DOK6: variants seen among roughly 807,000 people sequenced by gnomAD.
DOK6 encodes docking protein 6, also known as downstream of tyrosine kinase 6.
DOK6 carries 22 observed loss-of-function variants against 44.0 expected under a neutral mutation model. The observed-to-expected ratio is 0.50, with a 90% confidence interval of 0.36 to 0.71. DOK6 has a LOEUF of 0.71. Among genes scored for constraint, DOK6 ranks in the 30% least tolerant of loss-of-function variants. The probability of loss-of-function intolerance (pLI) is 0.00; values close to 1 mark genes in which losing one functional copy is unlikely to be tolerated. For synonymous variants in DOK6, 166 were observed against 145.5 expected, an observed-to-expected ratio of 1.14 and a Z score of -1.01; for missense variants, 340 against 416.4, an observed-to-expected ratio of 0.82 and a Z score of 1.60.
At chr18:69,510,228 C>G (rs1981327729) in intron 1 of DOK6, among the ~76,000 whole-genome samples, 1 of 152,168 alleles carries the variant, frequency 6.6e-6, no homozygotes, top group Admixed American at 6.5e-5. Flanking sequence ...TGAATTGGAG[C>G]TGCTGGATAT....
intron 7 of DOK6, among the ~76,000 whole-genome samples, chr18:69,769,475 ACTTTT>A (rs1781607799): frequency 1.3e-5 from 2 of 152,062 alleles, no homozygotes; most frequent in South Asian, 4.1e-4. Context: ...ATGAGTTGAA[ACTTTT>A]CTTTGAGATT....
intron 3 of DOK6, among the ~76,000 whole-genome samples, chr18:69,664,598 T>C (rs1461601781): frequency 2.0e-5 from 3 of 152,180 alleles, no homozygotes. Flanking sequence ...TAAACAAAGA[T>C]ACTCATCACA....
At chr18:69,438,756 A>G (rs1192627566) in intron 1 of DOK6, among the ~76,000 whole-genome samples, 2 of 152,256 alleles carry the variant, frequency 1.3e-5, no homozygotes, top group Non-Finnish European at 2.9e-5. Context: ...GGCAGAATGG[A>G]TGTTGTGTTA....
At chr18:69,535,412 T>G (rs1017015962) in intron 1 of DOK6, among the ~76,000 whole-genome samples, 10 of 152,012 alleles carry the variant, frequency 6.6e-5, no homozygotes, top group African/African-American at 2.4e-4. Flanking sequence ...ATCTCTGTAA[T>G]TCTAATAATT....
At chr18:69,744,786 C>T (rs1055530179) in intron 6 of DOK6, among the ~76,000 whole-genome samples, 3 of 151,460 alleles carry the variant, frequency 2.0e-5, no homozygotes, top group East Asian at 1.9e-4. Context: ...GTTAGCTGGG[C>T]GTGGTGACGG....
rs187552342 is a variant in DOK6, at chr18:69,666,863, A to C, written c.290-10871A>C. On this transcript the variant is annotated intron_variant, in intron 3 of 7. Coordinates refer to ENST00000382713, the MANE Select transcript of DOK6 (RefSeq NM_152721.6). ...ATTCACAAGCTGTGTACTCAGCATG[A>C]GACCAACTCAAGGGAGCTTTCCTCT... Among the ~76,000 whole-genome samples the C allele has an allele frequency of 7.2e-5, 11 of 152,326 alleles. 1 individual carries two copies. The highest frequency in any genetic ancestry group is 3.3e-4 in the Admixed American group (5 of 15,300).
chr18:69,705,799 A>G (rs956612969), intron 5 of DOK6, among the ~76,000 whole-genome samples: 5 of 152,090 alleles, frequency 3.3e-5, no homozygotes, highest in African/African-American at 4.8e-5. Flanking sequence ...TTTTAGTACC[A>G]TATCAGTCAA....
At chr18:69,706,771 A>AGAACAT (rs901787156) in intron 5 of DOK6, among the ~76,000 whole-genome samples, 4 of 148,244 alleles carry the variant, frequency 2.7e-5, no homozygotes, top group Non-Finnish European at 5.9e-5. Context: ...CCTATGAGTG[A>AGAACAT]GAACATGCGG....
At chr18:69,636,266 G>T (rs1984806656) in intron 3 of DOK6, among the ~76,000 whole-genome samples, 1 of 152,160 alleles carries the variant, frequency 6.6e-6, no homozygotes, top group African/African-American at 2.4e-5. Flanking sequence ...AAATGAGGTG[G>T]ACATAGCAGC....
chr18:69,816,481 A>C (rs1020750113), intron 7 of DOK6, among the ~76,000 whole-genome samples: 1 of 152,232 alleles, frequency 6.6e-6, no homozygotes, highest in African/African-American at 2.4e-5. Context: ...TTAGCAGTAA[A>C]GAGACTATGT....
intron 7 of DOK6, among the ~76,000 whole-genome samples, chr18:69,835,357 G>C (rs1025849909): frequency 2.6e-5 from 4 of 151,980 alleles, no homozygotes; most frequent in Non-Finnish European, 4.4e-5. Flanking sequence ...CCCAGCTACT[G>C]GGGAGGCTGA....
chr18:69,803,257 A>C (rs986237198), intron 7 of DOK6, among the ~76,000 whole-genome samples: 1 of 152,176 alleles, frequency 6.6e-6, no homozygotes, highest in Non-Finnish European at 1.5e-5. Flanking sequence ...TATAATAACA[A>C]TTTTATGAAA....
At chr18:69,592,527 T>C (rs879763032) in intron 2 of DOK6, among the ~76,000 whole-genome samples, 4 of 152,158 alleles carry the variant, frequency 2.6e-5, no homozygotes, top group Non-Finnish European at 5.9e-5. Context: ...AGCAGTGTTG[T>C]CATTTAGGTA....
chr18:69,449,483 T>C (rs1979394127), intron 1 of DOK6, among the ~76,000 whole-genome samples: 1 of 152,272 alleles, frequency 6.6e-6, no homozygotes, highest in Non-Finnish European at 1.5e-5. Flanking sequence ...AAGGAATTTT[T>C]CATTAACTAC....
At chr18:69,656,288 A>G (rs1469661994) in intron 3 of DOK6, among the ~76,000 whole-genome samples, 1 of 151,884 alleles carries the variant, frequency 6.6e-6, no homozygotes, top group African/African-American at 2.4e-5. Flanking sequence ...AAAGCAAAGG[A>G]AATTGATTAA....
chr18:69,830,511 G>C (rs1455545445), intron 7 of DOK6, among the ~76,000 whole-genome samples: 1 of 152,144 alleles, frequency 6.6e-6, no homozygotes, highest in Non-Finnish European at 1.5e-5. Context: ...GCAAACCAAG[G>C]AAAGAGGCCT....
intron 1 of DOK6, among the ~76,000 whole-genome samples, chr18:69,411,792 T>C (rs1046050660): frequency 6.6e-6 from 1 of 152,120 alleles, no homozygotes; most frequent in Non-Finnish European, 1.5e-5. Flanking sequence ...TGTCCATTCT[T>C]TCTCTTTGTC....
chr18:69,625,038 C>A (rs1244587829), intron 3 of DOK6, among the ~76,000 whole-genome samples: 1 of 152,076 alleles, frequency 6.6e-6, no homozygotes, highest in African/African-American at 2.4e-5. Context: ...CATTCTAGAA[C>A]AACTTGACTT....
At chr18:69,804,357 G>C (rs1332577524) in intron 7 of DOK6, among the ~76,000 whole-genome samples, 2 of 152,156 alleles carry the variant, frequency 1.3e-5, no homozygotes, top group African/African-American at 4.8e-5. Context: ...TTGAGGTTTA[G>C]AAAATCTCCT....
Sources: gnomAD v4.1 joint callset for allele counts (sites outside exome capture counted in the v4.1 genomes callset) on GRCh38, gnomAD v4.1.1 for gene constraint, MANE v1.5 for transcripts, NCBI Gene and HGNC (gene_info 2026-07-23, HGNC 2026-07-21) for gene names.